SERINC5: variants seen among roughly 807,000 people sequenced by gnomAD.
The protein encoded by SERINC5 is chromosome 5 open reading frame 12.
Under a neutral mutation model 63.1 loss-of-function variants are expected in SERINC5, and 41 were observed. The observed-to-expected ratio is 0.65, with a 90% CI of 0.51 to 0.84. SERINC5 has a LOEUF of 0.84. SERINC5 is among the 40% of genes least tolerant of loss of function. The pLI, the probability that SERINC5 is intolerant of heterozygous loss-of-function variation, is 0.00. For missense variants in SERINC5, 523 were observed against 573.0 expected, an observed-to-expected ratio of 0.91 and a Z score of 0.89; for synonymous variants, 222 against 215.2, an observed-to-expected ratio of 1.03 and a Z score of -0.28.
At chr5:80,194,343 T>G (rs1749372241) in intron 2 of SERINC5, among the ~76,000 whole-genome samples, 1 of 152,150 alleles carries the variant, frequency 6.6e-6, no homozygotes, top group South Asian at 2.1e-4. Context: ...CTCTGAACAT[T>G]CAACCAGTAA....
intron 2 of SERINC5, among the ~76,000 whole-genome samples, chr5:80,192,602 T>C (rs1172029847): frequency 1.3e-5 from 2 of 152,192 alleles, no homozygotes; most frequent in African/African-American, 4.8e-5. Context: ...TCCTCACATC[T>C]GTCACACAAA....
intron 11 of SERINC5, among the ~76,000 whole-genome samples, chr5:80,144,988 C>T (rs529027749): frequency 3.6e-5 from 5 of 137,738 alleles, no homozygotes; most frequent in Non-Finnish European, 6.2e-5. Context: ...CAATCATGTA[C>T]TGCCAAGTTA....
downstream of SERINC5, among the ~76,000 whole-genome samples, chr5:80,136,402 C>A (rs992024442): frequency 6.6e-6 from 1 of 152,188 alleles, no homozygotes; most frequent in Non-Finnish European, 1.5e-5. Context: ...CTCGGGGTTT[C>A]ATATTTATAT....
intron 11 of SERINC5, among the ~76,000 whole-genome samples, chr5:80,133,471 T>C (rs191129545): frequency 2.3e-4 from 35 of 152,178 alleles, no homozygotes; most frequent in Admixed American, 9.2e-4. Context: ...TCATGCAGAG[T>C]GCTGAAAATG....
At chr5:80,190,693 CATG>C (rs1749127989) in intron 2 of SERINC5, among the ~76,000 whole-genome samples, 1 of 152,204 alleles carries the variant, frequency 6.6e-6, no homozygotes, top group Non-Finnish European at 1.5e-5. Flanking sequence ...TCGGACTAGT[CATG>C]ATGTTTGCCT....
rs549109642 is a variant in SERINC5, at chr5:80,193,591, T to C, written c.195+9295A>G. On this transcript the variant is annotated intron_variant, in intron 2 of 11. Coordinates refer to ENST00000507668, the MANE Select transcript of SERINC5 (RefSeq NM_001174072.3). ...GGATCCTCACAGACCAAGGACAGTA[T>C]GTATTGTTTCCAATTTCCTGCCTCC... 7.2e-5 allele frequency among the ~76,000 whole-genome samples: 11 copies of C among 152,366 alleles called. No individual in the cohort carries two copies. In the South Asian group the frequency reaches 1.7e-3, roughly 23 times the overall value.
At position 80,249,087 on chromosome 5, in the gene SERINC5, G is replaced by T. The variant is rs191186937; in HGVS notation, c.27+6809C>A. On this transcript the variant is annotated intron_variant, in intron 1 of 11. Coordinates refer to ENST00000507668, the MANE Select transcript of SERINC5 (RefSeq NM_001174072.3). Reference sequence around the variant, plus strand: ...CCCAGCACTTTGGGAGGCCAAGGCGGGTGGATCACGAGGTCAGGAGATCGA... The same window carrying T: ...CCCAGCACTTTGGGAGGCCAAGGCGTGTGGATCACGAGGTCAGGAGATCGA... 8.8e-4 allele frequency among the ~76,000 whole-genome samples: 134 copies of T among 152,200 alleles called. 4 individuals carry two copies. The East Asian group carries it at 0.024, about 27-fold the overall frequency.
chr5:80,253,118 C>T (rs572759004), intron 1 of SERINC5, among the ~76,000 whole-genome samples: 1 of 152,270 alleles, frequency 6.6e-6, no homozygotes, highest in South Asian at 2.1e-4. Flanking sequence ...GGCCAGAAAC[C>T]GAGCCTGTCT....
intron 2 of SERINC5, among the ~76,000 whole-genome samples, chr5:80,181,028 G>C (rs13161176): frequency 0.44 from 67,364 of 151,930 alleles, 15,607 homozygotes; most frequent in African/African-American, 0.56. Flanking sequence ...CGGGATGCAC[G>C]AGGCCTTCTG....
intron 1 of SERINC5, among the ~76,000 whole-genome samples, chr5:80,254,489 AAAGAGCCTC>A (rs1752560951): frequency 6.6e-6 from 1 of 152,232 alleles, no homozygotes; most frequent in Non-Finnish European, 1.5e-5. Context: ...GGAATGGCAG[AAAGAGCCTC>A]AAGGGGACTT....
At chr5:80,192,986 A>T (rs1749287741) in intron 2 of SERINC5, among the ~76,000 whole-genome samples, 1 of 152,180 alleles carries the variant, frequency 6.6e-6, no homozygotes, top group Admixed American at 6.5e-5. Flanking sequence ...CTCCTTCCAG[A>T]CACACTTGCC....
chr5:80,215,428 T>C (rs1165332688), intron 1 of SERINC5, among the ~76,000 whole-genome samples: 1 of 152,238 alleles, frequency 6.6e-6, no homozygotes, highest in Non-Finnish European at 1.5e-5. Context: ...GGTCTTTTCT[T>C]TATAAATTAC....
intron 11 of SERINC5, among the ~76,000 whole-genome samples, chr5:80,127,704 G>A (rs2434276): frequency 0.87 from 131,835 of 152,166 alleles, 57,895 homozygotes; most frequent in African/African-American, 0.95. Flanking sequence ...TTATAAATCA[G>A]TTTTGTTAAT....
At chr5:80,192,230 C>T (rs561677875) in intron 2 of SERINC5, among the ~76,000 whole-genome samples, 1 of 152,264 alleles carries the variant, frequency 6.6e-6, no homozygotes, top group South Asian at 2.1e-4. Context: ...TGCCTAAGTA[C>T]AAATGCACAT....
At chr5:80,196,501 T>C (rs1189431799) in intron 2 of SERINC5, among the ~76,000 whole-genome samples, 1 of 152,180 alleles carries the variant, frequency 6.6e-6, no homozygotes, top group African/African-American at 2.4e-5. Context: ...TTAAAATTAC[T>C]ACACAATCCA....
intron 1 of SERINC5, among the ~76,000 whole-genome samples, chr5:80,226,880 T>A (rs1751192753): frequency 2.0e-5 from 3 of 152,198 alleles, no homozygotes; most frequent in African/African-American, 4.8e-5. Flanking sequence ...GATTATAATT[T>A]AAATTTTTGG....
At chr5:80,130,904 A>G (rs1331076410) in intron 11 of SERINC5, among the ~76,000 whole-genome samples, 4 of 152,238 alleles carry the variant, frequency 2.6e-5, no homozygotes, top group Non-Finnish European at 4.4e-5. Context: ...GTGCCACTGA[A>G]GACAAACTGA....
intron 1 of SERINC5, among the ~76,000 whole-genome samples, chr5:80,211,946 T>C (rs1580174287): frequency 6.6e-6 from 1 of 152,204 alleles, no homozygotes; most frequent in African/African-American, 2.4e-5. Flanking sequence ...TTAGCTTCAG[T>C]GCTTGAGTTT....
intron 3 of SERINC5, 31 bp downstream of exon 3, chr5:80,177,855 A>C: frequency 6.4e-7 from 1 of 1,554,714 alleles, no homozygotes; most frequent in Non-Finnish European, 8.7e-7. Flanking sequence ...AGAAAGGAGA[A>C]AGCAATCCCC....
Sources: gnomAD v4.1 joint callset for allele counts (sites outside exome capture counted in the v4.1 genomes callset) on GRCh38, gnomAD v4.1.1 for gene constraint, MANE v1.5 for transcripts, NCBI Gene and HGNC (gene_info 2026-07-23, HGNC 2026-07-21) for gene names.